The following NUBP1 variants were observed in gnomAD, a reference collection of about 807,000 sequenced individuals.
NUBP1 encodes cytosolic Fe-S cluster assembly factor NUBP1.
NUBP1 carries 46 observed loss-of-function variants against 41.8 expected under a neutral mutation model. The observed-to-expected ratio is 1.10, with a 90% confidence interval of 0.87 to 1.41. The LOEUF (loss-of-function observed/expected upper bound fraction) is 1.41. Ranked by LOEUF, NUBP1 falls within the 40% of genes most tolerant of loss-of-function variation. The probability of loss-of-function intolerance (pLI) is 0.00; values close to 1 mark genes in which losing one functional copy is unlikely to be tolerated. For missense variants in NUBP1, 494 were observed against 414.0 expected (o/e 1.19, Z -1.68); for synonymous variants, 189 against 154.6 (o/e 1.22, Z -1.65).
intron 2 of NUBP1, among the ~76,000 whole-genome samples, chr16:10,744,826 C>T (rs1268487710): frequency 6.6e-6 from 1 of 150,970 alleles, no homozygotes; most frequent in Non-Finnish European, 1.5e-5. Context: ...GGTGTGATCT[C>T]GGCTCACTGC....
Position 10,765,262 on chromosome 16 carries a change from TACACACACACAC to T in NUBP1, c.821-2677_821-2666del, listed in dbSNP as rs139167455. The T allele has an allele frequency of 1.6e-5, 2 of 128,868 alleles. No homozygotes were observed. Among genetic ancestry groups the T allele is most frequent in the Admixed American group, 9.7e-5 (1 of 10,290 alleles). The allele number at this position is 128,868 out of a possible 1,614,324, so 8.0% of individuals were successfully genotyped here. A position where few individuals can be genotyped will look rare whatever the true frequency, so the allele number is the denominator to read the frequency against. ...AATGATAGCAACTAACTCCATTAAA[TACACACACACAC>T]ACACACACAACCATGCTCTAGCCTG... On this transcript the variant is annotated intron_variant, in intron 9 of 10. Coordinates refer to ENST00000283027, the MANE Select transcript of NUBP1 (RefSeq NM_002484.4). This position sits in a 1 kb window ranked among gnomAD's most constrained non-coding sequence, Gnocchi z 4.0.
intron 3 of NUBP1, 34 bp from the exon 4 acceptor site, chr16:10,752,576 T>C (rs1378668581): frequency 6.3e-7 from 1 of 1,581,612 alleles, no homozygotes; most frequent in East Asian, 2.2e-5. Flanking sequence ...GTGCATTCAG[T>C]TATATAACCG....
At position 10,754,584 on chromosome 16, in the gene NUBP1, C is replaced by T. The variant is rs190806131; in HGVS notation, c.328-1137C>T. Among the ~76,000 whole-genome samples, 3 of 152,180 alleles carry T rather than the reference C, an allele frequency of 2.0e-5. No individual in the cohort carries two copies. The East Asian group carries it at 5.8e-4, about 29-fold the overall frequency. Reference sequence around the variant, plus strand: ...AACTTCGAAGTCAGTCACAGAGGACCGCATGTTGTGTGATTCCACTTACAT... The same window carrying T: ...AACTTCGAAGTCAGTCACAGAGGACTGCATGTTGTGTGATTCCACTTACAT... On this transcript the variant is annotated intron_variant, in intron 4 of 10. Coordinates refer to ENST00000283027, the MANE Select transcript of NUBP1 (RefSeq NM_002484.4).
chr16:10,749,661 C>A lies in NUBP1; in HGVS notation c.258+2385C>A, dbSNP rs1044584763. On this transcript the variant is annotated intron_variant, in intron 3 of 10. Transcript: ENST00000283027. This position sits in a 1 kb window ranked among gnomAD's most constrained non-coding sequence, Gnocchi z 4.1. ...TGAATATGTCTTGATTAAAGTCAAGCAGCACAGATTTCTCCCTGCCCTAAA... is the reference window on the plus strand; with the variant it reads ...TGAATATGTCTTGATTAAAGTCAAGAAGCACAGATTTCTCCCTGCCCTAAA... Among the ~76,000 whole-genome samples, 4 of 152,234 alleles carry A rather than the reference C, an allele frequency of 2.6e-5. No individual in the cohort carries two copies. The highest frequency in any genetic ancestry group is 1.3e-4 in the Admixed American group (2 of 15,280).
rs74773487 is a variant in NUBP1, at chr16:10,767,626, A to G, written c.821-323A>G. On this transcript the variant is annotated intron_variant, in intron 9 of 10. Coordinates refer to ENST00000283027, the MANE Select transcript of NUBP1 (RefSeq NM_002484.4). The surrounding 1 kb of genome is among the most constrained non-coding windows in gnomAD (Gnocchi z 4.6). ...CTTTTTTTAACCATGTGCATTCATGATCCTTTCACTCAAAAGCTAATCTCT... is the reference window on the plus strand; with the variant it reads ...CTTTTTTTAACCATGTGCATTCATGGTCCTTTCACTCAAAAGCTAATCTCT... The G allele has an allele frequency of 2.3e-6, 1 of 438,192 alleles. No individual in the cohort carries two copies. The allele number at this position is 438,192 out of a possible 1,614,324, so 27.1% of individuals were successfully genotyped here. A position where few individuals can be genotyped will look rare whatever the true frequency, so the allele number is the denominator to read the frequency against.
Position 10,766,277 on chromosome 16 carries a change from T to G in NUBP1, c.821-1672T>G, listed in dbSNP as rs961927275. ...GTGTGTAAAATGCAGGTGACAGTGGTGCCTAGTGAGAGGGATCTGCCAGGG... is the reference window on the plus strand; with the variant it reads ...GTGTGTAAAATGCAGGTGACAGTGGGGCCTAGTGAGAGGGATCTGCCAGGG... On this transcript the variant is annotated intron_variant, in intron 9 of 10. Coordinates refer to ENST00000283027, the MANE Select transcript of NUBP1 (RefSeq NM_002484.4). The surrounding 1 kb of genome is among the most constrained non-coding windows in gnomAD (Gnocchi z 4.8). 1 of 152,582 alleles carries G rather than the reference T, an allele frequency of 6.6e-6. No individual in the cohort carries two copies. Among genetic ancestry groups the G allele is most frequent in the Non-Finnish European group, 1.5e-5 (1 of 68,264 alleles). 9.5% of individuals were successfully genotyped at this position (152,582 alleles called of 1,614,324 possible). A position where few individuals can be genotyped will look rare whatever the true frequency, so the allele number is the denominator to read the frequency against.
chr16:10,750,551 T>G (rs1411247697), intron 3 of NUBP1, among the ~76,000 whole-genome samples: 1 of 152,220 alleles, frequency 6.6e-6, no homozygotes, highest in African/African-American at 2.4e-5. Flanking sequence ...CACCATAAAT[T>G]AAACATTTAT....
chr16:10,746,049 A>G (rs902045950), intron 2 of NUBP1, among the ~76,000 whole-genome samples: 2 of 152,196 alleles, frequency 1.3e-5, no homozygotes, highest in Non-Finnish European at 2.9e-5. Flanking sequence ...GTCATCCCAC[A>G]ATGGATTGCA....
At chr16:10,755,587 T>A in intron 4 of NUBP1, 134 bp from the exon 5 acceptor site, 1 of 877,640 alleles carries the variant, frequency 1.1e-6, no homozygotes, top group Non-Finnish European at 1.8e-6. Context: ...TTTTAGGAAT[T>A]TCGTGGTACC....
intron 9 of NUBP1, chr16:10,762,101 G>C: frequency 2.4e-6 from 1 of 409,946 alleles, no homozygotes; most frequent in Non-Finnish European, 4.5e-6. Flanking sequence ...CTGGAAGAAT[G>C]GGGTAGAGGT....
chr16:10,747,207 A>G lies in NUBP1; in HGVS notation c.189A>G (p.Lys63=), dbSNP rs1900103679. 3 of 1,614,072 alleles carry G rather than the reference A, an allele frequency of 1.9e-6. No individual in the cohort carries two copies. Among genetic ancestry groups the G allele is most frequent in the South Asian group, 1.1e-5 (1 of 91,082 alleles). The change falls in exon 3 of 11, where the codon AAA becomes AAG. Residue 63 remains lysine (K), a synonymous_variant. Coordinates refer to ENST00000283027, the MANE Select transcript of NUBP1 (RefSeq NM_002484.4). ...VKHKILVLSG[K]GGVGKSTFSA... ...ACAAAATCTTGGTATTGTCTGGGAA[A>G]GGCGGTGTTGGGAAAAGCACATTCA... is the stretch of plus-strand genomic sequence containing the variant.
chr16:10,748,084 G>A (rs1259796075), intron 3 of NUBP1, among the ~76,000 whole-genome samples: 3 of 152,114 alleles, frequency 2.0e-5, no homozygotes, highest in East Asian at 3.9e-4. Context: ...TCAAGTACCT[G>A]GGACTACAGG....
chr16:10,765,334 A>AC lies in NUBP1; in HGVS notation c.821-2615_821-2614insC, dbSNP rs1249319878. Among the ~76,000 whole-genome samples the AC allele has an allele frequency of 2.0e-5, 3 of 148,790 alleles. No homozygotes were observed. The highest frequency in any genetic ancestry group is 4.5e-5 in the Non-Finnish European group (3 of 66,378). Reference sequence around the variant, plus strand: ...GGAAGATACCTCATCTCTTAAAAAAAAAAAAAAAAAAAAAAGGAAAAAATT... The same window carrying AC: ...GGAAGATACCTCATCTCTTAAAAAAACAAAAAAAAAAAAAAAGGAAAAAATT... On this transcript the variant is annotated intron_variant, in intron 9 of 10. Transcript: ENST00000283027. This position sits in a 1 kb window ranked among gnomAD's most constrained non-coding sequence, Gnocchi z 4.0.
chr16:10,758,393 A>C (rs1242954214), intron 7 of NUBP1, among the ~76,000 whole-genome samples: 12 of 152,196 alleles, frequency 7.9e-5, no homozygotes, highest in Non-Finnish European at 1.5e-4. Flanking sequence ...GGATCATTTG[A>C]GCCTGGGGAA....
At position 10,769,344 on chromosome 16, in the gene NUBP1, C is replaced by T; in HGVS notation, c.*239C>T. The T allele has an allele frequency of 4.4e-6, 2 of 450,020 alleles. No homozygotes were observed. Among genetic ancestry groups the T allele is most frequent in the South Asian group, 8.4e-5 (2 of 23,858 alleles). 27.9% of individuals were successfully genotyped at this position (450,020 alleles called of 1,614,324 possible). ...TGCCGTTTTAAGAATAAAACCCCCTCAAATCTCTCCCCCGAGGCCTGTTTC... is the reference window on the plus strand; with the variant it reads ...TGCCGTTTTAAGAATAAAACCCCCTTAAATCTCTCCCCCGAGGCCTGTTTC... On this transcript the variant is annotated 3_prime_UTR_variant, in exon 11 of 11. Coordinates refer to ENST00000283027, the MANE Select transcript of NUBP1 (RefSeq NM_002484.4).
chr16:10,751,614 C>G (rs2142690509), intron 3 of NUBP1, among the ~76,000 whole-genome samples: 1 of 152,288 alleles, frequency 6.6e-6, no homozygotes, highest in East Asian at 1.9e-4. Context: ...TGAATACTAG[C>G]CCTGTTCTCA....
rs910238469 is a variant in NUBP1 at position 10,749,136 on chromosome 16, C to G, written c.258+1860C>G. 5.1e-4 allele frequency among the ~76,000 whole-genome samples: 73 copies of G among 142,280 alleles called. No individual in the cohort carries two copies. Among genetic ancestry groups the G allele is most frequent in the Middle Eastern group, 3.5e-3 (1 of 288 alleles). The allele number at this position is 142,280 out of a possible 152,430, so 93.3% of individuals were successfully genotyped here. The stretch of plus-strand genomic sequence containing the variant: ...AGATACACAGACACATACACACACA[C>G]ACACACACACACACACACACACACA... On this transcript the variant is annotated intron_variant, in intron 3 of 10. Coordinates refer to ENST00000283027, the MANE Select transcript of NUBP1 (RefSeq NM_002484.4). The surrounding 1 kb of genome is among the most constrained non-coding windows in gnomAD (Gnocchi z 4.1).
Position 10,757,193 on chromosome 16 carries a change from C to T in NUBP1, c.451+413C>T, listed in dbSNP as rs2142722707. 6.6e-6 allele frequency among the ~76,000 whole-genome samples: 1 copy of T among 152,092 alleles called. No homozygotes were observed. Among genetic ancestry groups the T allele is most frequent in the Admixed American group, 6.5e-5 (1 of 15,274 alleles). On this transcript the variant is annotated intron_variant, in intron 6 of 10. Transcript: ENST00000283027. This position sits in a 1 kb window ranked among gnomAD's most constrained non-coding sequence, Gnocchi z 4.1. ...GCACGTACCTGTAATCCCAGCTACT[C>T]GAGAGGCTGAGGCAGGAGAACCCAG...
intron 2 of NUBP1, among the ~76,000 whole-genome samples, chr16:10,746,897 CTA>C (rs1900086621): frequency 6.6e-6 from 1 of 152,172 alleles, no homozygotes; most frequent in Admixed American, 6.5e-5. Context: ...TTTGTGGAGA[CTA>C]TGTTCTAGTT....
Sources: allele counts gnomAD v4.1 joint callset (sites outside exome capture counted in the v4.1 genomes callset), GRCh38; gene constraint gnomAD v4.1.1; non-coding constraint Gnocchi (gnomAD v3.1); transcripts MANE v1.5; gene names NCBI Gene and HGNC (gene_info 2026-07-23, HGNC 2026-07-21).